Variants in TH observed in about 807,000 individuals in gnomAD.
TH encodes tyrosine hydroxylase.
Under a neutral mutation model 57.4 loss-of-function variants are expected in TH, and 49 were observed. The ratio of observed to expected loss-of-function variants is 0.85; its 90% confidence interval spans 0.68 to 1.08. The LOEUF (loss-of-function observed/expected upper bound fraction) is 1.08, where lower values mean the gene tolerates loss of function less well. Ranked by LOEUF, TH falls within the 50% of genes least tolerant of loss-of-function variation. The pLI is 0.00. For missense variants in TH, 720 were observed against 696.7 expected, an observed-to-expected ratio of 1.03 and a Z score of -0.38; for synonymous variants, 330 against 304.5, an observed-to-expected ratio of 1.08 and a Z score of -0.87.
In TH at chr11:2,166,269, G is replaced by A. The variant is rs932202563; in HGVS notation, c.1047+211C>T. ...CCACATTCCTAAGCCCGTGGGCGCC[G>A]TTCCCAGGTAGCCGGCAGGTGGCAG... On this transcript the variant is annotated intron_variant, in intron 9 of 12. Coordinates refer to ENST00000352909, the MANE Select transcript of TH (RefSeq NM_000360.4). 25 of 878,612 alleles carry A rather than the reference G, an allele frequency of 2.8e-5. No individual in the cohort carries two copies. The African/African-American group carries it at 4.2e-4, about 15-fold the overall frequency. 54.4% of individuals were successfully genotyped at this position (878,612 alleles called of 1,614,324 possible). A position where few individuals can be genotyped will look rare whatever the true frequency, so the allele number is the denominator to read the frequency against.
Position 2,170,630 on chromosome 11 carries a change from AG to A in TH, c.91-760del, listed in dbSNP as rs1846226131. On this transcript the variant is annotated intron_variant, in intron 1 of 12. Transcript: ENST00000352909. The surrounding 1 kb of genome is among the most constrained non-coding windows in gnomAD (Gnocchi z 6.0). ...AGAATCAGCTTCATCCTGAGCTTCC[AG>A]GGTTGTGGAACATGAAGGGGAGCAG... The A allele has an allele frequency of 2.1e-6, 3 of 1,398,436 alleles. No individual in the cohort carries two copies. The highest frequency in any genetic ancestry group is 3.0e-6 in the Non-Finnish European group (3 of 1,002,176). The allele number at this position is 1,398,436 out of a possible 1,614,324, so 86.6% of individuals were successfully genotyped here. A position where few individuals can be genotyped will look rare whatever the true frequency, so the allele number is the denominator to read the frequency against.
rs1477990385 is a variant in TH, at chr11:2,168,648, G to A, written c.330C>T (p.Ile110=). ...GGGCGGGCCGGGTCTCTAGATGGTG[G>A]ATTTTGGCTTCAAACGTCTTAGGGA... is the stretch of plus-strand genomic sequence containing the variant. ...VKVFETFEAK[I]HHLETRPAQR... Residue 110 remains isoleucine, a synonymous_variant, in exon 3 of 13, where the codon ATC becomes ATT. Transcript: ENST00000352909. 2.0e-6 allele frequency: 3 copies of A among 1,467,578 alleles called. No individual in the cohort carries two copies. The highest frequency in any genetic ancestry group is 2.2e-5 in the South Asian group (2 of 89,272). The allele number at this position is 1,467,578 out of a possible 1,614,324, so 90.9% of individuals were successfully genotyped here.
intron 12 of TH, 32 bp from the exon 13 acceptor site, chr11:2,164,424 C>G: frequency 6.5e-7 from 1 of 1,543,422 alleles, no homozygotes. Flanking sequence ...CCCTCGTCAA[C>G]TGGCGGGCAG....
In TH at chr11:2,168,569, G is replaced by A. The variant is rs548495726; in HGVS notation, c.409C>T (p.Arg137Cys). The change falls in exon 3 of 13, where the codon CGC becomes TGC. Residue 137 changes from arginine to cysteine, a missense_variant. Arg to Cys is a radical substitution (Grantham distance 180, BLOSUM62 -3). Coordinates refer to ENST00000352909, the MANE Select transcript of TH (RefSeq NM_000360.4). ...AGCAGGGCGGCCAGGTCCCCTCGGC[G>A]CACCTCGAGGCGCACGAAGTACTCC... ...HLEYFVRLEV[R>C]RGDLAALLSG... The A allele has an allele frequency of 6.8e-6, 11 of 1,611,732 alleles. No homozygotes were observed. The highest frequency in any genetic ancestry group is 5.0e-5 in the Admixed American group (3 of 59,978).
At chr11:2,166,402 C>T in intron 9 of TH, 78 bp downstream of exon 9, 5 of 1,500,494 alleles carry the variant, frequency 3.3e-6, no homozygotes, top group Non-Finnish European at 4.5e-6. Context: ...TTCACCCACC[C>T]GCACATCGAT....
At position 2,164,126 on chromosome 11, in the gene TH, G is replaced by A; in HGVS notation, c.*107C>T. 1 of 1,032,284 alleles carries A rather than the reference G, an allele frequency of 9.7e-7. No individual in the cohort carries two copies. The highest frequency in any genetic ancestry group is 1.3e-6 in the Non-Finnish European group (1 of 781,338). 63.9% of individuals were successfully genotyped at this position (1,032,284 alleles called of 1,614,324 possible). On this transcript the variant is annotated 3_prime_UTR_variant, in exon 13 of 13. Coordinates refer to ENST00000352909, the MANE Select transcript of TH (RefSeq NM_000360.4). Reference sequence around the variant, plus strand: ...CAGGGGCAGTGGGAGCCTGGCAGCAGGGAGGGCATGGGGGGCACCCGGGAC... The same window carrying A: ...CAGGGGCAGTGGGAGCCTGGCAGCAAGGAGGGCATGGGGGGCACCCGGGAC...
chr11:2,168,789 G>A, intron 2 of TH, 124 bp from the exon 3 acceptor site: 3 of 1,194,796 alleles, frequency 2.5e-6, no homozygotes, highest in Non-Finnish European at 3.6e-6. Flanking sequence ...TGACTTTTGT[G>A]CTAGCAGCAC....
chr11:2,167,577 C>T (rs1482965668), intron 5 of TH, 92 bp from the exon 6 acceptor site: 31 of 1,429,586 alleles, frequency 2.2e-5, no homozygotes, highest in African/African-American at 8.5e-5. Context: ...GGTCCACACC[C>T]GCCTAGTGCA....
chr11:2,165,329 C>G lies in TH; in HGVS notation c.1237G>C (p.Asp413His), dbSNP rs201996748. 23 of 1,612,098 alleles carry G rather than the reference C, an allele frequency of 1.4e-5. No homozygotes were observed. Among genetic ancestry groups the G allele is most frequent in the Admixed American group, 1.7e-5 (1 of 60,004 alleles). ...LSEEPEIRAF[D>H]PEAAAVQPYQ... ...GGCTGCACGGCCGCAGCCTCAGGGT[C>G]GAAGGCCCGAATCTCAGGCTCCTCA... The change falls in exon 12 of 13, where the codon GAC (aspartate) becomes CAC (histidine). Residue 413 changes from aspartate (D) to histidine (H), a missense_variant. Asp to His is a moderately conservative substitution (Grantham distance 81, BLOSUM62 -1). Transcript: ENST00000352909.
rs757445529 is a variant in TH, at chr11:2,170,280, G to A, written c.91-409C>T. On this transcript the variant is annotated intron_variant, in intron 1 of 12. Coordinates refer to ENST00000352909, the MANE Select transcript of TH (RefSeq NM_000360.4). This position sits in a 1 kb window ranked among gnomAD's most constrained non-coding sequence, Gnocchi z 6.0. ...GGGGAGGGAACGGCAGCTCAGGAAG[G>A]AGCTGCCCCCACAGGGCCCCAGTGA... Among the ~76,000 whole-genome samples, 1 of 152,100 alleles carries A rather than the reference G, an allele frequency of 6.6e-6. No homozygotes were observed. The highest frequency in any genetic ancestry group is 1.5e-5 in the Non-Finnish European group (1 of 67,998).
intron 10 of TH, 41 bp from the exon 11 acceptor site, chr11:2,165,804 C>T (rs369585867): frequency 5.0e-6 from 8 of 1,592,822 alleles, no homozygotes; most frequent in Non-Finnish European, 6.0e-6. Flanking sequence ...AGACAGCTGC[C>T]GCCCACCGGG....
intron 2 of TH, 151 bp downstream of exon 2, chr11:2,169,499 G>A: frequency 1.3e-6 from 1 of 740,772 alleles, no homozygotes; most frequent in African/African-American, 1.7e-5. Flanking sequence ...CATGGGGGCT[G>A]AGCTGAGGCC....
At chr11:2,164,429 G>A (rs371636944) in intron 12 of TH, 37 bp from the exon 13 acceptor site, 35 of 1,544,836 alleles carry the variant, frequency 2.3e-5, no homozygotes, top group South Asian at 1.6e-4. Flanking sequence ...GTCAACTGGC[G>A]GGCAGAGTCT....
At chr11:2,166,376 G>T (rs557926415) in intron 9 of TH, 104 bp downstream of exon 9, 1 of 1,413,002 alleles carries the variant, frequency 7.1e-7, no homozygotes, top group African/African-American at 1.4e-5. Context: ...GCGGGGCCCG[G>T]GAGCAGGCAG....
In TH at chr11:2,164,264, G is replaced by T; in HGVS notation, c.1463C>A (p.Thr488Asn). The change falls in exon 13 of 13, where the codon ACC (threonine) becomes AAC (asparagine). Residue 488 changes from threonine (T) to asparagine (N), a missense_variant. By Grantham distance (65) the Thr-to-Asn change is moderately conservative (BLOSUM62 0). Coordinates refer to ENST00000352909, the MANE Select transcript of TH (RefSeq NM_000360.4). ...AATGGCACTCAGCGCATGGGCAAGG[G>T]TGTCCAGCTCATCCTGGACACCCTC... ...SLEGVQDELD[T>N]LAHALSAIG 6.7e-7 allele frequency: 1 copy of T among 1,498,984 alleles called. No individual in the cohort carries two copies. The highest frequency in any genetic ancestry group is 1.3e-5 in the South Asian group (1 of 74,362). 92.9% of individuals were successfully genotyped at this position (1,498,984 alleles called of 1,614,324 possible). A position where few individuals can be genotyped will look rare whatever the true frequency, so the allele number is the denominator to read the frequency against.
chr11:2,165,626 C>A, intron 11 of TH, 42 bp downstream of exon 11: 1 of 1,596,314 alleles, frequency 6.3e-7, no homozygotes, highest in South Asian at 1.1e-5. Flanking sequence ...GTCCCCCAGC[C>A]CTGCCCCTCT....
intron 9 of TH, chr11:2,166,276 G>T (rs1438974331): frequency 1.1e-6 from 1 of 894,562 alleles, no homozygotes; most frequent in Non-Finnish European, 1.7e-6. Context: ...GCCGTTCCCA[G>T]GTAGCCGGCA....
rs112701933 is a variant in TH at position 2,167,229 on chromosome 11, C to T, written c.696-197G>A. The T allele has an allele frequency of 3.8e-3, 3,726 of 977,664 alleles. 91 individuals are homozygous for T. The African/African-American group carries it at 0.051, about 13-fold the overall frequency. The allele number at this position is 977,664 out of a possible 1,614,324, so 60.6% of individuals were successfully genotyped here. A position where few individuals can be genotyped will look rare whatever the true frequency, so the allele number is the denominator to read the frequency against. On this transcript the variant is annotated intron_variant, in intron 6 of 12. Transcript: ENST00000352909. The stretch of plus-strand genomic sequence containing the variant: ...CCAGGGGATAGGGGGCCATGAGGGG[C>T]GGTCCCTCAGCACACTGGGGATGGC...
chr11:2,167,923 T>C lies in TH; in HGVS notation c.587A>G (p.Asp196Gly), dbSNP rs1846145669. 6.2e-7 allele frequency: 1 copy of C among 1,611,432 alleles called. No homozygotes were observed. The highest frequency in any genetic ancestry group is 8.5e-7 in the Non-Finnish European group (1 of 1,179,446). Residue 196 changes from aspartate to glycine, a missense_variant, in exon 5 of 13, where the codon GAC becomes GGC. Asp to Gly is a moderately conservative substitution (Grantham distance 94). Coordinates refer to ENST00000352909, the MANE Select transcript of TH (RefSeq NM_000360.4). ...CTTCCTGCGCTGGCGGTACACCTGG[T>C]CCGAGAAGCCCTGAGGGCAGAGGGG... ...DLDLDHPGFSDQVYRQRRKLI... is the reference protein window; with the variant it reads ...DLDLDHPGFSGQVYRQRRKLI...
Sources: gnomAD v4.1 joint callset for allele counts (sites outside exome capture counted in the v4.1 genomes callset) on GRCh38, gnomAD v4.1.1 for gene constraint, Gnocchi (gnomAD v3.1) non-coding constraint, MANE v1.5 for transcripts, NCBI Gene and HGNC (gene_info 2026-07-23, HGNC 2026-07-21) for gene names.